Variants in KLHL32 observed in about 807,000 individuals in gnomAD.
KLHL32 encodes the protein kelch like family member 32, also known as kelch-like protein 32.
Under a neutral mutation model 64.8 loss-of-function variants are expected in KLHL32, and 35 were observed. The ratio of observed to expected loss-of-function variants is 0.54; its 90% CI spans 0.41 to 0.72. KLHL32 has a LOEUF of 0.72. Ranked by LOEUF, KLHL32 falls within the 30% of genes least tolerant of loss-of-function variation. The pLI, the probability that KLHL32 is intolerant of heterozygous loss-of-function variation, is 0.00. For synonymous variants in KLHL32, 259 were observed against 281.0 expected, an observed-to-expected ratio of 0.92 and a Z score of 0.78; for missense variants, 589 against 768.5, an observed-to-expected ratio of 0.77 and a Z score of 2.76.
At chr6:97,119,471 G>C (rs994523635) in intron 7 of KLHL32, among the ~76,000 whole-genome samples, 1 of 152,150 alleles carries the variant, frequency 6.6e-6, no homozygotes, top group Admixed American at 6.5e-5. Flanking sequence ...ACACTACAGG[G>C]ATATCAAGGT....
At chr6:97,062,757 A>G (rs1789117456) in intron 4 of KLHL32, among the ~76,000 whole-genome samples, 1 of 152,256 alleles carries the variant, frequency 6.6e-6, no homozygotes, top group African/African-American at 2.4e-5. Flanking sequence ...CCTGAAACTT[A>G]TACTGAGCAG....
At chr6:97,070,997 A>T (rs1790629503) in intron 5 of KLHL32, among the ~76,000 whole-genome samples, 1 of 152,072 alleles carries the variant, frequency 6.6e-6, no homozygotes, top group South Asian at 2.1e-4. Context: ...TCTGCTCCTT[A>T]TTCCATCAGT....
intron 3 of KLHL32, among the ~76,000 whole-genome samples, chr6:96,995,477 T>C (rs1778314039): frequency 6.6e-6 from 1 of 152,212 alleles, no homozygotes; most frequent in African/African-American, 2.4e-5. Context: ...TAACTTTCCC[T>C]TCCTGCTAAG....
intron 1 of KLHL32, among the ~76,000 whole-genome samples, chr6:96,947,595 A>G (rs980402833): frequency 5.3e-5 from 8 of 152,304 alleles, no homozygotes; most frequent in Admixed American, 4.6e-4. Context: ...GCATACCTCA[A>G]TATATACAGA....
chr6:97,016,731 T>A (rs1280810320), intron 3 of KLHL32, among the ~76,000 whole-genome samples: 2 of 152,134 alleles, frequency 1.3e-5, no homozygotes, highest in Non-Finnish European at 2.9e-5. Flanking sequence ...AATTATATGG[T>A]TTGGGCTGTG....
intron 3 of KLHL32, among the ~76,000 whole-genome samples, chr6:97,020,972 G>A (rs150044504): frequency 1.3e-5 from 2 of 150,888 alleles, no homozygotes; most frequent in East Asian, 1.9e-4. Context: ...ATATGATGAT[G>A]TATTATATAG....
At chr6:96,967,933 A>C (rs906922092) in intron 2 of KLHL32, among the ~76,000 whole-genome samples, 32 of 152,208 alleles carry the variant, frequency 2.1e-4, no homozygotes, top group African/African-American at 7.7e-4. Flanking sequence ...CATTCATTTG[A>C]ATAGTCTCAC....
intron 1 of KLHL32, among the ~76,000 whole-genome samples, chr6:96,941,254 G>A (rs1771246506): frequency 1.3e-5 from 2 of 152,178 alleles, no homozygotes; most frequent in East Asian, 3.9e-4. Flanking sequence ...TAGTGAAAAA[G>A]GTATATTTTG....
At position 97,114,516 on chromosome 6, in the gene KLHL32, C is replaced by T; in HGVS notation, c.1354+7C>T. 1 of 1,612,840 alleles carries T rather than the reference C, an allele frequency of 6.2e-7. No individual in the cohort carries two copies. Among genetic ancestry groups the T allele is most frequent in the Non-Finnish European group, 8.5e-7 (1 of 1,179,952 alleles). On this transcript the variant is annotated splice_region_variant and intron_variant, in intron 7 of 10. Transcript: ENST00000369261. Reference sequence around the variant, plus strand: ...GGTCTTCTTTGGATATCAGGTAGAACATACCTCATGTTGGATTTATCAAAA... The same window carrying T: ...GGTCTTCTTTGGATATCAGGTAGAATATACCTCATGTTGGATTTATCAAAA...
chr6:96,900,384 A>T, the KLHL32 span, among the ~76,000 whole-genome samples: 5 of 151,282 alleles, frequency 3.3e-5, no homozygotes, highest in African/African-American at 9.8e-5. Context: ...TGAAAGTGAT[A>T]AAAAAATTTG....
At chr6:96,935,034 A>G (rs565263415) in intron 1 of KLHL32, among the ~76,000 whole-genome samples, 1 of 152,220 alleles carries the variant, frequency 6.6e-6, no homozygotes, top group Admixed American at 6.5e-5. Flanking sequence ...ACCAGTATAC[A>G]GATAAGAAGA....
intron 1 of KLHL32, among the ~76,000 whole-genome samples, chr6:96,954,993 A>C (rs763610197): frequency 9.2e-5 from 14 of 152,206 alleles, no homozygotes; most frequent in Non-Finnish European, 1.6e-4. Flanking sequence ...TGCCAGATTC[A>C]ATGTCTGGGG....
At chr6:97,134,059 T>C (rs1799725254) in intron 10 of KLHL32, among the ~76,000 whole-genome samples, 1 of 151,748 alleles carries the variant, frequency 6.6e-6, no homozygotes, top group African/African-American at 2.4e-5. Context: ...ATATAACTTA[T>C]GGGTTAAAGA....
chr6:96,956,880 T>C (rs974531381), intron 1 of KLHL32, among the ~76,000 whole-genome samples: 4 of 152,188 alleles, frequency 2.6e-5, no homozygotes, highest in Admixed American at 2.6e-4. Flanking sequence ...CATCAGGTTT[T>C]TCAAGGCAAA....
the KLHL32 span, among the ~76,000 whole-genome samples, chr6:96,906,869 C>T: frequency 1.3e-5 from 2 of 152,264 alleles, no homozygotes; most frequent in African/African-American, 4.8e-5. Flanking sequence ...AGGTTCCCAA[C>T]CCACAACCAT....
intron 10 of KLHL32, among the ~76,000 whole-genome samples, chr6:97,133,218 A>G (rs1452980295): frequency 2.0e-5 from 3 of 152,222 alleles, no homozygotes; most frequent in African/African-American, 7.2e-5. Context: ...CTGGTCTGAT[A>G]GGGACAGCCT....
At chr6:97,072,005 C>G (rs940866375) in intron 5 of KLHL32, among the ~76,000 whole-genome samples, 1 of 152,160 alleles carries the variant, frequency 6.6e-6, no homozygotes, top group African/African-American at 2.4e-5. Context: ...ATAATGTACC[C>G]TATTCTGACT....
At chr6:96,990,349 G>A (rs1055075729) in intron 3 of KLHL32, among the ~76,000 whole-genome samples, 1 of 152,002 alleles carries the variant, frequency 6.6e-6, no homozygotes, top group Admixed American at 6.6e-5. Context: ...GGGGGTGGGG[G>A]TTATGTTAGC....
rs566672792 is a variant in KLHL32 at position 96,994,665 on chromosome 6, C to G, written c.204+18488C>G. ...AATATGATTAATGAATGATTAGTTG[C>G]GTGCAAAGTACTATGAGTTCCTGTG... On this transcript the variant is annotated intron_variant, in intron 3 of 10. Transcript: ENST00000369261. 3 of 970,280 alleles carry G rather than the reference C, an allele frequency of 3.1e-6. No homozygotes were observed. In the South Asian group the frequency reaches 1.4e-4, roughly 46 times the overall value. 60.1% of individuals were successfully genotyped at this position (970,280 alleles called of 1,614,324 possible). A position where few individuals can be genotyped will look rare whatever the true frequency, so the allele number is the denominator to read the frequency against.
Sources: allele counts gnomAD v4.1 joint callset (sites outside exome capture counted in the v4.1 genomes callset), GRCh38; gene constraint gnomAD v4.1.1; transcripts MANE v1.5; gene names NCBI Gene and HGNC (gene_info 2026-07-23, HGNC 2026-07-21).